GLB1: variants seen among roughly 807,000 people sequenced by gnomAD.
The protein encoded by GLB1 is beta-galactosidase.
A neutral mutation model predicts 74.0 loss-of-function variants in GLB1; 56 were observed. The ratio of observed to expected loss-of-function variants is 0.76; its 90% CI spans 0.61 to 0.94. GLB1 has a LOEUF of 0.94. Among genes scored for constraint, GLB1 ranks in the 40% least tolerant of loss-of-function variants. The pLI is 0.00. For synonymous variants in GLB1, 323 were observed against 323.6 expected (o/e 1.00, Z 0.02); for missense variants, 787 against 845.5 (o/e 0.93, Z 0.86).
At chr3:33,069,604 A>G (rs935610997) in intron 2 of GLB1, among the ~76,000 whole-genome samples, 1 of 152,206 alleles carries the variant, frequency 6.6e-6, no homozygotes, top group Non-Finnish European at 1.5e-5. Context: ...ATTGCCTGAG[A>G]GAGAAACAAA....
At chr3:32,986,154 C>T in the GLB1 span, among the ~76,000 whole-genome samples, 2 of 152,246 alleles carry the variant, frequency 1.3e-5, no homozygotes, top group African/African-American at 2.4e-5. Context: ...GCGCCTCAGG[C>T]GGTAGCTGCT....
At chr3:33,001,320 C>T (rs1696560309) in intron 15 of GLB1, among the ~76,000 whole-genome samples, 1 of 152,034 alleles carries the variant, frequency 6.6e-6, no homozygotes, top group Non-Finnish European at 1.5e-5. Flanking sequence ...TGCCCTCAAG[C>T]GATCCTCCTG....
intron 15 of GLB1, among the ~76,000 whole-genome samples, chr3:33,013,677 G>A (rs1287940447): frequency 6.6e-6 from 1 of 152,186 alleles, no homozygotes; most frequent in Non-Finnish European, 1.5e-5. Context: ...TATTCTGGGA[G>A]CACTGGGCTT....
At chr3:33,014,451 G>T in intron 14 of GLB1, 141 bp from the exon 15 acceptor site, 1 of 1,276,532 alleles carries the variant, frequency 7.8e-7, no homozygotes, top group Non-Finnish European at 1.1e-6. Context: ...TGTGTACATC[G>T]AAGTAACACA....
At chr3:32,966,658 GA>G in the GLB1 span, among the ~76,000 whole-genome samples, 1 of 152,200 alleles carries the variant, frequency 6.6e-6, no homozygotes, top group East Asian at 1.9e-4. Context: ...GGCTGGGGCA[GA>G]ATGATATGGT....
intron 1 of GLB1, among the ~76,000 whole-genome samples, chr3:33,080,195 C>G (rs1268504479): frequency 6.6e-6 from 1 of 152,056 alleles, no homozygotes; most frequent in Non-Finnish European, 1.5e-5. Context: ...CCTCCGCCTC[C>G]CCAGTTCAAG....
intron 1 of GLB1, 119 bp downstream of exon 1, chr3:33,096,892 G>T (rs1373099357): frequency 6.7e-7 from 1 of 1,487,610 alleles, no homozygotes; most frequent in African/African-American, 1.5e-5. Flanking sequence ...CTGCTGGGGG[G>T]CACTTCGGGG....
chr3:32,978,765 CTTTTT>C, the GLB1 span, among the ~76,000 whole-genome samples: 1 of 126,072 alleles, frequency 7.9e-6, no homozygotes, highest in African/African-American at 3.0e-5. Context: ...TTCTTTCTTT[CTTTTT>C]TTTTTTTTTT....
intron 10 of GLB1, among the ~76,000 whole-genome samples, chr3:33,031,637 AAAAATATATATATATATATATATAT>A (rs1698028625): frequency 1.7e-5 from 1 of 60,516 alleles, no homozygotes; most frequent in Non-Finnish European, 3.2e-5. Context: ...AAAAAAAAAA[AAAAATATATATATATATATATATAT>A]ATATATATAT....
In GLB1 at chr3:33,064,776, CAAAAAAAA is replaced by C. The variant is rs36181668; in HGVS notation, c.552+679_552+686del. On this transcript the variant is annotated intron_variant, in intron 5 of 15. Coordinates refer to ENST00000307363, the MANE Select transcript of GLB1 (RefSeq NM_000404.4). ...TGGGCAACGGAATGAGACTCTCTCT[CAAAAAAAA>C]AAAAAAAAAAAAAAGAGCATCCATG... Among the ~76,000 whole-genome samples, 179 of 64,558 alleles carry C rather than the reference CAAAAAAAA, an allele frequency of 2.8e-3. 2 individuals are homozygous for C. The highest frequency in any genetic ancestry group is 0.01 in the African/African-American group (162 of 16,194). The allele number at this position is 64,558 out of a possible 152,430, so 42.4% of individuals were successfully genotyped here. A position where few individuals can be genotyped will look rare whatever the true frequency, so the allele number is the denominator to read the frequency against.
the GLB1 span, among the ~76,000 whole-genome samples, chr3:32,972,843 G>C: frequency 0.023 from 3,432 of 152,212 alleles, 273 homozygotes; most frequent in East Asian, 0.27. Flanking sequence ...GAAAGAGCTG[G>C]AGTCCTTAAA....
intron 4 of GLB1, among the ~76,000 whole-genome samples, chr3:33,067,618 G>A (rs1404061950): frequency 6.6e-6 from 1 of 152,110 alleles, no homozygotes; most frequent in Admixed American, 6.6e-5. Flanking sequence ...ATTGGCTGTG[G>A]AATATGCTAA....
intron 9 of GLB1, among the ~76,000 whole-genome samples, chr3:33,048,849 CTTT>C (rs891708351): frequency 6.6e-6 from 1 of 151,884 alleles, no homozygotes; most frequent in African/African-American, 2.4e-5. Flanking sequence ...AACGTGTGGA[CTTT>C]TTTTTGTATT....
intron 10 of GLB1, among the ~76,000 whole-genome samples, chr3:33,037,034 T>C (rs963362282): frequency 6.9e-6 from 1 of 145,984 alleles, no homozygotes; most frequent in African/African-American, 2.5e-5. Context: ...TTTATATATA[T>C]TTTACCACAA....
chr3:33,057,891 CT>C (rs1699283706), intron 6 of GLB1, among the ~76,000 whole-genome samples, 197 bp downstream of exon 6: 2 of 152,208 alleles, frequency 1.3e-5, no homozygotes, highest in Non-Finnish European at 1.5e-5. Flanking sequence ...GAAAATGCAG[CT>C]ACCCTGGAAG....
chr3:32,988,704 G>T, the GLB1 span, among the ~76,000 whole-genome samples: 4 of 152,204 alleles, frequency 2.6e-5, no homozygotes, highest in Non-Finnish European at 5.9e-5. Context: ...GAACTGAGAT[G>T]AATCTGCAGT....
At chr3:32,976,024 A>G in the GLB1 span, among the ~76,000 whole-genome samples, 3 of 152,306 alleles carry the variant, frequency 2.0e-5, no homozygotes, top group Non-Finnish European at 2.9e-5. Context: ...ATCTCAGTCA[A>G]TTCAGCATTT....
At chr3:32,965,047 T>A in the GLB1 span, among the ~76,000 whole-genome samples, 1 of 152,226 alleles carries the variant, frequency 6.6e-6, no homozygotes, top group Non-Finnish European at 1.5e-5. Flanking sequence ...CATGTGGAAC[T>A]GAGTCTGTGA....
rs201639266 is a variant in GLB1 at position 33,021,693 on chromosome 3, C to G, written c.1144-38G>C. Reference sequence around the variant, plus strand: ...AAAAGCAGCATTCACACACTGCACCCCTCACTGGTCATCAGGTTACAGAGT... The same window carrying G: ...AAAAGCAGCATTCACACACTGCACCGCTCACTGGTCATCAGGTTACAGAGT... On this transcript the variant is annotated intron_variant, in intron 11 of 15. Transcript: ENST00000307363. The G allele has an allele frequency of 6.2e-5, 99 of 1,598,362 alleles. No homozygotes were observed. In the African/African-American group the frequency reaches 1.1e-3, roughly 18 times the overall value.
Sources: allele counts gnomAD v4.1 joint callset (sites outside exome capture counted in the v4.1 genomes callset), GRCh38; gene constraint gnomAD v4.1.1; transcripts MANE v1.5; gene names NCBI Gene and HGNC (gene_info 2026-07-23, HGNC 2026-07-21).